BCAS3: variants seen among roughly 807,000 people sequenced by gnomAD.
BCAS3 encodes BCAS3 microtubule associated cell migration factor.
A neutral mutation model predicts 116.1 loss-of-function variants in BCAS3; 53 were observed. That is an observed-to-expected ratio of 0.46 (90% confidence interval 0.37 to 0.57). BCAS3 has a LOEUF of 0.57. Among genes scored for constraint, BCAS3 ranks in the 20% least tolerant of loss-of-function variants. The pLI is 0.00. For missense variants in BCAS3, 917 were observed against 1,165.4 expected (o/e 0.79, Z 3.10); for synonymous variants, 391 against 408.2 (o/e 0.96, Z 0.51).
intron 19 of BCAS3, among the ~76,000 whole-genome samples, chr17:61,058,645 T>A (rs2069644437): frequency 6.6e-6 from 1 of 152,248 alleles, no homozygotes; most frequent in Non-Finnish European, 1.5e-5. Flanking sequence ...TCTCACTGCA[T>A]GTGAAGCTTC....
chr17:61,111,500 A>C (rs1447689276), intron 22 of BCAS3, among the ~76,000 whole-genome samples: 1 of 152,070 alleles, frequency 6.6e-6, no homozygotes, highest in African/African-American at 2.4e-5. Flanking sequence ...CGGAAGATGA[A>C]ATGAATGAAA....
chr17:61,110,411 C>A (rs1298595475), intron 22 of BCAS3, among the ~76,000 whole-genome samples: 2 of 152,196 alleles, frequency 1.3e-5, no homozygotes, highest in African/African-American at 4.8e-5. Flanking sequence ...CGAAGCAGGG[C>A]GAGGCATTGC....
rs758569973 is a variant in BCAS3, at chr17:61,217,740, C to T, written c.2425+133176C>T. Among the ~76,000 whole-genome samples the T allele has an allele frequency of 3.3e-5, 5 of 152,174 alleles. No individual in the cohort carries two copies. The highest frequency in any genetic ancestry group is 2.6e-4 in the Admixed American group (4 of 15,278). On this transcript the variant is annotated intron_variant, in intron 22 of 23. Coordinates refer to ENST00000407086, the MANE Select transcript of BCAS3 (RefSeq NM_017679.5). The surrounding 1 kb of genome is among the most constrained non-coding windows in gnomAD (Gnocchi z 5.2). ...TCTTGAGAAACATTATTCTTGATCC[C>T]GTAACATCCCACACTGCTTTGCTTC...
rs1478147936 is a variant in BCAS3 at position 60,993,457 on chromosome 17, G to T, written c.1486+3222G>T. 2.6e-5 allele frequency among the ~76,000 whole-genome samples: 4 copies of T among 152,132 alleles called. No homozygotes were observed. The highest frequency in any genetic ancestry group is 4.1e-4 in the South Asian group (2 of 4,826). ...TTTCTTTTGAAAGCAAGGAATTTCAGGCAGCCTATTCCTCCTGATAGATAA... is the reference window on the plus strand; with the variant it reads ...TTTCTTTTGAAAGCAAGGAATTTCATGCAGCCTATTCCTCCTGATAGATAA... On this transcript the variant is annotated intron_variant, in intron 15 of 23. Transcript: ENST00000407086. This position sits in a 1 kb window ranked among gnomAD's most constrained non-coding sequence, Gnocchi z 4.2.
In BCAS3 at chr17:61,028,316, A is replaced by G. The variant is rs561433283; in HGVS notation, c.1638-6350A>G. Among the ~76,000 whole-genome samples the G allele has an allele frequency of 6.6e-6, 1 of 151,900 alleles. No individual in the cohort carries two copies. The highest frequency in any genetic ancestry group is 1.5e-5 in the Non-Finnish European group (1 of 67,808). ...TAGACACAGTTTGCAAAACTATTCT[A>G]AACAAATTCAGGATATACAAGAATA... is the stretch of plus-strand genomic sequence containing the variant. On this transcript the variant is annotated intron_variant, in intron 16 of 23. Coordinates refer to ENST00000407086, the MANE Select transcript of BCAS3 (RefSeq NM_017679.5). The surrounding 1 kb of genome is among the most constrained non-coding windows in gnomAD (Gnocchi z 4.3).
chr17:61,379,466 C>G lies in BCAS3; in HGVS notation c.2593+10972C>G, dbSNP rs947753106. The G allele has an allele frequency of 6.6e-6, 1 of 152,208 alleles. No individual in the cohort carries two copies. Among genetic ancestry groups the G allele is most frequent in the African/African-American group, 2.4e-5 (1 of 41,436 alleles). 9.4% of individuals were successfully genotyped at this position (152,208 alleles called of 1,614,324 possible). On this transcript the variant is annotated intron_variant, in intron 23 of 23. Transcript: ENST00000407086. This position sits in a 1 kb window ranked among gnomAD's most constrained non-coding sequence, Gnocchi z 5.5. ...CTTGGCTCCTAGAAGCCATAGAGCACTGTACCAAGAAGGCCAAGCCAAGCC... is the reference window on the plus strand; with the variant it reads ...CTTGGCTCCTAGAAGCCATAGAGCAGTGTACCAAGAAGGCCAAGCCAAGCC...
intron 7 of BCAS3, among the ~76,000 whole-genome samples, chr17:60,819,907 C>T (rs577054290): frequency 8.5e-5 from 13 of 152,194 alleles, no homozygotes; most frequent in Non-Finnish European, 1.5e-4. Flanking sequence ...GGACTACAGG[C>T]GTGAGCCACC....
At chr17:61,070,034 G>A in intron 19 of BCAS3, 1 of 1,595,046 alleles carries the variant, frequency 6.3e-7, no homozygotes, top group Non-Finnish European at 8.5e-7. Context: ...CTGCGACTCT[G>A]GAGACAGCCC....
intron 7 of BCAS3, among the ~76,000 whole-genome samples, chr17:60,846,909 C>G (rs2052589308): frequency 6.6e-6 from 1 of 152,138 alleles, no homozygotes; most frequent in African/African-American, 2.4e-5. Flanking sequence ...TCACCACAAC[C>G]ACTAGTTACA....
Position 61,186,636 on chromosome 17 carries a change from A to G in BCAS3, c.2425+102072A>G, listed in dbSNP as rs552828579. Among the ~76,000 whole-genome samples, 1 of 152,338 alleles carries G rather than the reference A, an allele frequency of 6.6e-6. No homozygotes were observed. The highest frequency in any genetic ancestry group is 1.9e-4 in the East Asian group (1 of 5,188). Reference sequence around the variant, plus strand: ...TTCAAAATTCAAAACATAAAAGGATACATAATGAAAAATCCTTTCTCCCTT... The same window carrying G: ...TTCAAAATTCAAAACATAAAAGGATGCATAATGAAAAATCCTTTCTCCCTT... On this transcript the variant is annotated intron_variant, in intron 22 of 23. Transcript: ENST00000407086. This position sits in a 1 kb window ranked among gnomAD's most constrained non-coding sequence, Gnocchi z 4.9.
Position 61,029,996 on chromosome 17 carries a change from C to A in BCAS3, c.1638-4670C>A, listed in dbSNP as rs1050845623. 2.6e-5 allele frequency among the ~76,000 whole-genome samples: 4 copies of A among 151,898 alleles called. No individual in the cohort carries two copies. The highest frequency in any genetic ancestry group is 4.4e-5 in the Non-Finnish European group (3 of 67,932). ...ATAATTTCAGACAGATTATTAATATCTTTAGTTATTTGAAATAAAATGCTT... is the reference window on the plus strand; with the variant it reads ...ATAATTTCAGACAGATTATTAATATATTTAGTTATTTGAAATAAAATGCTT... On this transcript the variant is annotated intron_variant, in intron 16 of 23. Coordinates refer to ENST00000407086, the MANE Select transcript of BCAS3 (RefSeq NM_017679.5). The surrounding 1 kb of genome is among the most constrained non-coding windows in gnomAD (Gnocchi z 5.2).
rs895036838 is a variant in BCAS3, at chr17:61,339,701, G to A, written c.2426-28626G>A. Among the ~76,000 whole-genome samples the A allele has an allele frequency of 1.3e-5, 2 of 151,882 alleles. No homozygotes were observed. Among genetic ancestry groups the A allele is most frequent in the East Asian group, 1.9e-4 (1 of 5,174 alleles). On this transcript the variant is annotated intron_variant, in intron 22 of 23. Coordinates refer to ENST00000407086, the MANE Select transcript of BCAS3 (RefSeq NM_017679.5). This position sits in a 1 kb window ranked among gnomAD's most constrained non-coding sequence, Gnocchi z 4.4. The stretch of plus-strand genomic sequence containing the variant: ...GAATCGCTCGAACCTAGGAGGTGGC[G>A]GTTACAGTGAGCTGAGATCGCGCCA...
At chr17:61,046,044 T>A (rs1430739812) in intron 19 of BCAS3, among the ~76,000 whole-genome samples, 1 of 17,626 alleles carries the variant, frequency 5.7e-5, no homozygotes, top group Non-Finnish European at 8.0e-5. Flanking sequence ...TTTATATATA[T>A]ATAATATATA....
At chr17:61,340,928 T>A (rs1318061323) in intron 22 of BCAS3, among the ~76,000 whole-genome samples, 3 of 152,148 alleles carry the variant, frequency 2.0e-5, no homozygotes, top group African/African-American at 7.2e-5. Context: ...GTGATGAGAT[T>A]TGCAGTTATT....
chr17:60,962,432 A>G lies in BCAS3; in HGVS notation c.1221+15080A>G, dbSNP rs943694588. 6.6e-6 allele frequency among the ~76,000 whole-genome samples: 1 copy of G among 152,132 alleles called. No homozygotes were observed. The highest frequency in any genetic ancestry group is 2.4e-5 in the African/African-American group (1 of 41,422). On this transcript the variant is annotated intron_variant, in intron 14 of 23. Coordinates refer to ENST00000407086, the MANE Select transcript of BCAS3 (RefSeq NM_017679.5). This position sits in a 1 kb window ranked among gnomAD's most constrained non-coding sequence, Gnocchi z 4.4. ...TTTGATTTGTGTTTCTCTGATGACT[A>G]GTGATGTTGAGCATTTTTTTTCATA...
chr17:61,092,994 C>G (rs2073719707), intron 22 of BCAS3, among the ~76,000 whole-genome samples: 1 of 144,250 alleles, frequency 6.9e-6, no homozygotes, highest in Admixed American at 7.3e-5. Context: ...CAACTTCCGT[C>G]TCCCAGGTTC....
chr17:61,388,285 T>C lies in BCAS3; in HGVS notation c.2594-3692T>C. The C allele has an allele frequency of 3.8e-6, 1 of 263,754 alleles. No individual in the cohort carries two copies. The highest frequency in any genetic ancestry group is 7.3e-6 in the Non-Finnish European group (1 of 136,468). The allele number at this position is 263,754 out of a possible 1,614,324, so 16.3% of individuals were successfully genotyped here. A position where few individuals can be genotyped will look rare whatever the true frequency, so the allele number is the denominator to read the frequency against. On this transcript the variant is annotated intron_variant, in intron 23 of 23. Coordinates refer to ENST00000407086, the MANE Select transcript of BCAS3 (RefSeq NM_017679.5). The surrounding 1 kb of genome is among the most constrained non-coding windows in gnomAD (Gnocchi z 6.5). Reference sequence around the variant, plus strand: ...AGCAACCCACCTGCATGGGGTCCCATCTGGCACTGCATGGGCCGTAGGTCC... The same window carrying C: ...AGCAACCCACCTGCATGGGGTCCCACCTGGCACTGCATGGGCCGTAGGTCC...
At position 61,214,694 on chromosome 17, in the gene BCAS3, A is replaced by G. The variant is rs1224214816; in HGVS notation, c.2425+130130A>G. ...CGACAGAGCAAGACTCCATCTCAAAAAAAAAGAAAAAAAGAAAAAAATTCA... is the reference window on the plus strand; with the variant it reads ...CGACAGAGCAAGACTCCATCTCAAAGAAAAAGAAAAAAAGAAAAAAATTCA... On this transcript the variant is annotated intron_variant, in intron 22 of 23. Transcript: ENST00000407086. The surrounding 1 kb of genome is among the most constrained non-coding windows in gnomAD (Gnocchi z 4.4). Among the ~76,000 whole-genome samples the G allele has an allele frequency of 1.3e-5, 2 of 152,136 alleles. No individual in the cohort carries two copies. Among genetic ancestry groups the G allele is most frequent in the African/African-American group, 2.4e-5 (1 of 41,424 alleles).
At chr17:60,929,815 C>T (rs540689975) in intron 13 of BCAS3, among the ~76,000 whole-genome samples, 34 of 146,492 alleles carry the variant, frequency 2.3e-4, no homozygotes, top group Non-Finnish European at 4.0e-4. Flanking sequence ...TGAGAACATG[C>T]GGTGTTTGGT....
Sources: allele counts gnomAD v4.1 joint callset (sites outside exome capture counted in the v4.1 genomes callset), GRCh38; gene constraint gnomAD v4.1.1; non-coding constraint Gnocchi (gnomAD v3.1); transcripts MANE v1.5; gene names NCBI Gene and HGNC (gene_info 2026-07-23, HGNC 2026-07-21).